The following CHST9 variants were observed in gnomAD, a reference collection of about 807,000 sequenced individuals.
CHST9 encodes carbohydrate sulfotransferase 9, also known as GalNAc-4-sulfotransferase 2.
CHST9 carries 41 observed loss-of-function variants against 44.4 expected under a neutral mutation model. The observed-to-expected ratio is 0.92, with a 90% CI of 0.72 to 1.20. The LOEUF is 1.20. Ranked by LOEUF, CHST9 falls within the 50% of genes most tolerant of loss-of-function variation. CHST9 has a pLI of 0.00. For missense variants in CHST9, 504 were observed against 516.5 expected, an observed-to-expected ratio of 0.98 and a Z score of 0.23; for synonymous variants, 171 against 178.4, an observed-to-expected ratio of 0.96 and a Z score of 0.33.
intron 3 of CHST9, among the ~76,000 whole-genome samples, chr18:27,035,283 A>T (rs1355153480): frequency 6.6e-6 from 1 of 152,098 alleles, no homozygotes. Context: ...TCATATACCT[A>T]TTGGCCATTT....
intron 2 of CHST9, among the ~76,000 whole-genome samples, chr18:27,059,334 C>A (rs963048869): frequency 1.3e-5 from 2 of 152,046 alleles, no homozygotes; most frequent in Non-Finnish European, 2.9e-5. Context: ...ATGTAGAAAT[C>A]CTCTGAACTG....
chr18:26,958,375 A>C (rs1440522620), intron 4 of CHST9, among the ~76,000 whole-genome samples: 1 of 152,134 alleles, frequency 6.6e-6, no homozygotes, highest in Non-Finnish European at 1.5e-5. Flanking sequence ...TGGCACAGAT[A>C]AAAAAGAAAG....
At chr18:26,917,487 A>C in intron 5 of CHST9, 137 bp from the exon 6 acceptor site, 2 of 979,430 alleles carry the variant, frequency 2.0e-6, no homozygotes, top group South Asian at 3.3e-5. Context: ...CAATTTAGCA[A>C]GGCATGCTGA....
intron 4 of CHST9, chr18:26,952,496 C>A: frequency 2.2e-6 from 1 of 457,270 alleles, no homozygotes; most frequent in Non-Finnish European, 4.2e-6. Context: ...GGTATAAACC[C>A]TGGAGGACCA....
At chr18:27,080,268 G>A (rs1202430206) in intron 2 of CHST9, among the ~76,000 whole-genome samples, 2 of 151,892 alleles carry the variant, frequency 1.3e-5, no homozygotes, top group African/African-American at 2.4e-5. Flanking sequence ...TTCAACCTGC[G>A]TATCTCCACA....
chr18:26,985,709 T>A (rs2056747050), intron 4 of CHST9, among the ~76,000 whole-genome samples: 1 of 152,312 alleles, frequency 6.6e-6, no homozygotes, highest in East Asian at 1.9e-4. Context: ...TACATGCATA[T>A]GTCATAATGA....
intron 4 of CHST9, among the ~76,000 whole-genome samples, chr18:27,003,972 C>T (rs1032889648): frequency 4.6e-5 from 7 of 151,436 alleles, no homozygotes; most frequent in East Asian, 1.9e-4. Context: ...ATTACCATCA[C>T]GTTTAGGTAA....
intron 1 of CHST9, among the ~76,000 whole-genome samples, chr18:27,158,970 T>C (rs1189721442): frequency 2.0e-5 from 3 of 152,282 alleles, no homozygotes; most frequent in African/African-American, 7.2e-5. Flanking sequence ...GTTTTTTTCT[T>C]GTAGATTTGT....
At chr18:27,091,614 T>C (rs1184326667) in intron 2 of CHST9, among the ~76,000 whole-genome samples, 1 of 152,156 alleles carries the variant, frequency 6.6e-6, no homozygotes, top group African/African-American at 2.4e-5. Context: ...TTTTGAGATA[T>C]GTTCCATCAA....
At chr18:27,075,431 C>G (rs2057893682) in intron 2 of CHST9, among the ~76,000 whole-genome samples, 1 of 152,176 alleles carries the variant, frequency 6.6e-6, no homozygotes, top group African/African-American at 2.4e-5. Flanking sequence ...AGGCTGCCAA[C>G]TGGTCTTATC....
At chr18:27,000,622 G>GTCTATCTA (rs6146241) in intron 4 of CHST9, among the ~76,000 whole-genome samples, 18,664 of 147,446 alleles carry the variant, frequency 0.13, 1,180 homozygotes, top group East Asian at 0.16. Flanking sequence ...TATTTGTTTT[G>GTCTATCTA]TCTATCTATC....
intron 4 of CHST9, among the ~76,000 whole-genome samples, chr18:26,965,201 C>T (rs1360777782): frequency 1.3e-5 from 2 of 152,070 alleles, no homozygotes; most frequent in East Asian, 3.9e-4. Context: ...GTGAGTGTCC[C>T]CTGGCTGGTG....
At chr18:27,092,957 AGGTCCGCTT>A (rs2058083728) in intron 2 of CHST9, among the ~76,000 whole-genome samples, 1 of 152,212 alleles carries the variant, frequency 6.6e-6, no homozygotes, top group African/African-American at 2.4e-5. Context: ...GATGTCTATT[AGGTCCGCTT>A]GGTGCAGTCA....
chr18:27,089,191 G>A (rs188436228), intron 2 of CHST9, among the ~76,000 whole-genome samples: 77 of 151,846 alleles, frequency 5.1e-4, no homozygotes, highest in Admixed American at 4.1e-3. Flanking sequence ...TGCACAACGT[G>A]CAGGTTTGAT....
intron 5 of CHST9, among the ~76,000 whole-genome samples, chr18:26,938,025 GA>G (rs752242131): frequency 9.2e-5 from 14 of 151,968 alleles, no homozygotes; most frequent in Non-Finnish European, 1.3e-4. Flanking sequence ...TTGAGTGCTT[GA>G]ATGAGAGCTG....
intron 2 of CHST9, among the ~76,000 whole-genome samples, chr18:27,064,304 A>T (rs1015970302): frequency 1.6e-4 from 24 of 151,768 alleles, no homozygotes; most frequent in African/African-American, 5.8e-4. Flanking sequence ...CTCTGCCAAC[A>T]TTTTCCTGGA....
chr18:27,040,206 A>G (rs1178367711), intron 3 of CHST9, among the ~76,000 whole-genome samples: 1 of 152,180 alleles, frequency 6.6e-6, no homozygotes, highest in Non-Finnish European at 1.5e-5. Flanking sequence ...TATATGGCTT[A>G]CATTGTATTT....
chr18:27,030,856 T>C (rs2057333165), intron 3 of CHST9, among the ~76,000 whole-genome samples: 1 of 152,168 alleles, frequency 6.6e-6, no homozygotes, highest in Non-Finnish European at 1.5e-5. Context: ...TGAGCCCTCA[T>C]TCCCTCACCT....
intron 3 of CHST9, among the ~76,000 whole-genome samples, chr18:27,046,744 C>T (rs1221886838): frequency 2.6e-5 from 4 of 152,140 alleles, no homozygotes; most frequent in East Asian, 1.9e-4. Context: ...TTCCTGATGG[C>T]GTGATTTGTT....
Sources: gnomAD v4.1 joint callset for allele counts (sites outside exome capture counted in the v4.1 genomes callset) on GRCh38, gnomAD v4.1.1 for gene constraint, MANE v1.5 for transcripts, NCBI Gene and HGNC (gene_info 2026-07-23, HGNC 2026-07-21) for gene names.